CMSS1: variants seen among roughly 807,000 people sequenced by gnomAD.
CMSS1 encodes the protein cms1 ribosomal small subunit homolog, also known as protein CMSS1.
In CMSS1, 33 loss-of-function variants were observed where a neutral mutation model predicts 43.5. The observed-to-expected ratio is 0.76, with a 90% CI of 0.57 to 1.01. The LOEUF (loss-of-function observed/expected upper bound fraction) is 1.01, where lower values mean the gene tolerates loss of function less well. CMSS1 is among the 50% of genes least tolerant of loss of function. The probability of loss-of-function intolerance (pLI) is 0.00; values close to 1 mark genes in which losing one functional copy is unlikely to be tolerated. For synonymous variants in CMSS1, 115 were observed against 117.2 expected, an observed-to-expected ratio of 0.98 and a Z score of 0.12; for missense variants, 313 against 326.4, an observed-to-expected ratio of 0.96 and a Z score of 0.32.
At chr3:99,825,124 C>G (rs1239187540) in intron 1 of CMSS1, among the ~76,000 whole-genome samples, 1 of 152,174 alleles carries the variant, frequency 6.6e-6, no homozygotes, top group Non-Finnish European at 1.5e-5. Flanking sequence ...GGCATTGTCT[C>G]TACATATAAA....
Position 100,003,238 on chromosome 3 carries a change from G to T in CMSS1, c.65-143735G>T, listed in dbSNP as rs144461081. 4.6e-3 allele frequency among the ~76,000 whole-genome samples: 707 copies of T among 152,246 alleles called. 2 individuals carry two copies. Among genetic ancestry groups the T allele is most frequent in the South Asian group, 7.1e-3 (34 of 4,814 alleles). On this transcript the variant is annotated intron_variant, in intron 1 of 9. Transcript: ENST00000421999. ...GACTTCATACCAATGACCATGTGGA[G>T]AAAATAAAAGAATGTTAGAACTGGC...
At chr3:99,953,277 G>C (rs1480696886) in intron 1 of CMSS1, among the ~76,000 whole-genome samples, 5 of 152,012 alleles carry the variant, frequency 3.3e-5, no homozygotes, top group African/African-American at 1.2e-4. Flanking sequence ...CCTCTGACCT[G>C]CTTCTACCTT....
chr3:100,025,039 A>G (rs1288781934), intron 1 of CMSS1, among the ~76,000 whole-genome samples: 3 of 152,224 alleles, frequency 2.0e-5, no homozygotes, highest in African/African-American at 7.2e-5. Context: ...TTTTTGTGTT[A>G]CTAATTAACA....
intron 1 of CMSS1, among the ~76,000 whole-genome samples, chr3:100,043,267 A>G (rs1432985285): frequency 6.6e-6 from 1 of 152,360 alleles, no homozygotes; most frequent in East Asian, 1.9e-4. Flanking sequence ...GAGAAAATAT[A>G]TGCAGAAAAT....
At chr3:99,861,043 T>C (rs1191799006) in intron 1 of CMSS1, among the ~76,000 whole-genome samples, 2 of 152,156 alleles carry the variant, frequency 1.3e-5, no homozygotes. Flanking sequence ...AGTCTACTCA[T>C]TTTTCTCACT....
chr3:99,880,616 T>C (rs1029751129), intron 1 of CMSS1, among the ~76,000 whole-genome samples: 3 of 152,202 alleles, frequency 2.0e-5, no homozygotes, highest in Admixed American at 2.0e-4. Context: ...CCTTTGTTAT[T>C]AAAACATTAA....
At chr3:99,953,154 TTAAA>T (rs1346623220) in intron 1 of CMSS1, among the ~76,000 whole-genome samples, 4 of 152,332 alleles carry the variant, frequency 2.6e-5, no homozygotes, top group Admixed American at 1.3e-4. Context: ...ATATGAAGTA[TTAAA>T]TAATATTATC....
intron 1 of CMSS1, among the ~76,000 whole-genome samples, chr3:100,056,295 T>A (rs1317474608): frequency 6.6e-6 from 1 of 152,184 alleles, no homozygotes; most frequent in Non-Finnish European, 1.5e-5. Context: ...AATTGACAAG[T>A]CTCCAATGCA....
At chr3:99,869,941 A>T (rs940250879) in intron 1 of CMSS1, among the ~76,000 whole-genome samples, 1 of 152,240 alleles carries the variant, frequency 6.6e-6, no homozygotes, top group Non-Finnish European at 1.5e-5. Context: ...AGTGATTTGG[A>T]GCTCTCACAG....
chr3:100,041,995 T>G (rs1376941280), intron 1 of CMSS1, among the ~76,000 whole-genome samples: 2 of 152,216 alleles, frequency 1.3e-5, no homozygotes, highest in East Asian at 3.8e-4. Flanking sequence ...TTCAGCTATA[T>G]GATCTGAGTC....
chr3:99,830,269 G>C (rs921360957), intron 1 of CMSS1: 1 of 342,562 alleles, frequency 2.9e-6, no homozygotes, highest in Non-Finnish European at 5.8e-6. Flanking sequence ...TAGACGTGCT[G>C]CTTTTTGGGG....
intron 1 of CMSS1, chr3:99,924,500 G>A (rs936256669): frequency 1.3e-5 from 17 of 1,303,860 alleles, no homozygotes; most frequent in Non-Finnish European, 1.8e-5. Context: ...TGATTAATTC[G>A]GCAGTGGGTT....
intron 1 of CMSS1, among the ~76,000 whole-genome samples, chr3:99,877,090 T>G (rs1399317592): frequency 6.6e-6 from 1 of 152,218 alleles, no homozygotes; most frequent in African/African-American, 2.4e-5. Flanking sequence ...CTACTTCTTG[T>G]GAATGAGAAT....
chr3:100,137,708 G>C (rs150390583), intron 1 of CMSS1, among the ~76,000 whole-genome samples: 1 of 151,816 alleles, frequency 6.6e-6, no homozygotes, highest in South Asian at 2.1e-4. Flanking sequence ...GACTATAGGC[G>C]CCCGCCACCA....
chr3:99,994,733 CATGGTGGGAGGCAAA>C (rs1709625085), intron 1 of CMSS1, among the ~76,000 whole-genome samples: 1 of 152,158 alleles, frequency 6.6e-6, no homozygotes, highest in Non-Finnish European at 1.5e-5. Flanking sequence ...GCCTCAGAAT[CATGGTGGGAGGCAAA>C]AGGCACTTCT....
At chr3:99,844,792 A>G (rs1943289101) in intron 1 of CMSS1, among the ~76,000 whole-genome samples, 1 of 152,142 alleles carries the variant, frequency 6.6e-6, no homozygotes, top group South Asian at 2.1e-4. Context: ...TTCTTGTGAT[A>G]CTGAGGGAGT....
intron 1 of CMSS1, among the ~76,000 whole-genome samples, chr3:100,141,879 G>C (rs2066808433): frequency 6.6e-6 from 1 of 152,156 alleles, no homozygotes; most frequent in Non-Finnish European, 1.5e-5. Context: ...GCCCAGCTTA[G>C]CCTCCTCGAA....
intron 1 of CMSS1, among the ~76,000 whole-genome samples, chr3:100,074,246 T>C (rs901987551): frequency 1.3e-5 from 2 of 152,248 alleles, no homozygotes; most frequent in African/African-American, 2.4e-5. Flanking sequence ...AGGCACAGAC[T>C]GTGGAGAGCT....
chr3:100,085,203 C>T (rs1030576794), intron 1 of CMSS1, among the ~76,000 whole-genome samples: 1 of 152,122 alleles, frequency 6.6e-6, no homozygotes, highest in Non-Finnish European at 1.5e-5. Context: ...GTGATTATAC[C>T]GTACAACCAA....
Sources: allele counts gnomAD v4.1 joint callset (sites outside exome capture counted in the v4.1 genomes callset), GRCh38; gene constraint gnomAD v4.1.1; transcripts MANE v1.5; gene names NCBI Gene and HGNC (gene_info 2026-07-23, HGNC 2026-07-21).